MAPKAP1: variants seen among roughly 807,000 people sequenced by gnomAD.
The protein encoded by MAPKAP1 is target of rapamycin complex 2 subunit MAPKAP1.
MAPKAP1 carries 20 observed loss-of-function variants against 65.7 expected under a neutral mutation model. That is an observed-to-expected ratio of 0.30 (90% CI 0.21 to 0.44). MAPKAP1 has a LOEUF of 0.44. Ranked by LOEUF, MAPKAP1 falls within the 20% of genes least tolerant of loss-of-function variation. MAPKAP1 has a pLI of 1.00. For synonymous variants in MAPKAP1, 222 were observed against 244.3 expected (o/e 0.91, Z 0.85); for missense variants, 423 against 648.0 (o/e 0.65, Z 3.77).
rs1477923208 is a variant in MAPKAP1, at chr9:125,663,764, C to T, written c.350-5965G>A. Among the ~76,000 whole-genome samples the T allele has an allele frequency of 3.3e-5, 5 of 152,266 alleles. No individual in the cohort carries two copies. In the South Asian group the frequency reaches 1.0e-3, roughly 32 times the overall value. On this transcript the variant is annotated intron_variant, in intron 3 of 11. Transcript: ENST00000265960. ...GGGGAAGTCATGAGAGCCCTTCCTTCTGGTTTCAAGCCATTCATCAGGCAG... is the reference window on the plus strand; with the variant it reads ...GGGGAAGTCATGAGAGCCCTTCCTTTTGGTTTCAAGCCATTCATCAGGCAG...
At chr9:125,625,748 T>C (rs1029020229) in intron 4 of MAPKAP1, among the ~76,000 whole-genome samples, 3 of 152,070 alleles carry the variant, frequency 2.0e-5, no homozygotes, top group African/African-American at 4.8e-5. Flanking sequence ...TGAGCCGAGA[T>C]TGCACCACTG....
At chr9:125,689,853 G>C (rs1176254373) in intron 1 of MAPKAP1, among the ~76,000 whole-genome samples, 1 of 151,156 alleles carries the variant, frequency 6.6e-6, no homozygotes, top group Non-Finnish European at 1.5e-5. Flanking sequence ...TTGAGAGGCC[G>C]AGGTGGGCGG....
chr9:125,600,891 G>T lies in MAPKAP1; in HGVS notation c.499-15164C>A, dbSNP rs375016032. Among the ~76,000 whole-genome samples, 13 of 152,210 alleles carry T rather than the reference G, an allele frequency of 8.5e-5. 1 individual carries two copies. In the East Asian group the frequency reaches 2.5e-3, roughly 29 times the overall value. ...TACAAACAATAGCTTCCATAATGAT[G>T]ATATTATCAGGGAAAGGTAATCTGC... On this transcript the variant is annotated intron_variant, in intron 4 of 11. Coordinates refer to ENST00000265960, the MANE Select transcript of MAPKAP1 (RefSeq NM_001006617.3).
intron 1 of MAPKAP1, among the ~76,000 whole-genome samples, chr9:125,702,839 C>T (rs1835643607): frequency 6.7e-6 from 1 of 149,630 alleles, no homozygotes; most frequent in Admixed American, 6.7e-5. Flanking sequence ...GCAACAAGAG[C>T]GAGACTTTGT....
At chr9:125,693,570 T>C (rs927352695) in intron 1 of MAPKAP1, among the ~76,000 whole-genome samples, 9 of 147,350 alleles carry the variant, frequency 6.1e-5, no homozygotes, top group Admixed American at 2.0e-4. Context: ...CATATATACA[T>C]ACACACACAT....
At chr9:125,594,817 A>G (rs1461164414) in intron 4 of MAPKAP1, among the ~76,000 whole-genome samples, 1 of 152,176 alleles carries the variant, frequency 6.6e-6, no homozygotes. Context: ...TGGCTAAATC[A>G]AAAGGACTCC....
chr9:125,461,567 C>A (rs1230819466), intron 10 of MAPKAP1, among the ~76,000 whole-genome samples: 1 of 152,152 alleles, frequency 6.6e-6, no homozygotes, highest in African/African-American at 2.4e-5. Flanking sequence ...TAGATGAAGA[C>A]CCCTTTTAAT....
At chr9:125,566,143 A>G (rs1431682394) in intron 5 of MAPKAP1, among the ~76,000 whole-genome samples, 1 of 152,168 alleles carries the variant, frequency 6.6e-6, no homozygotes, top group East Asian at 1.9e-4. Flanking sequence ...AAATGTTCCT[A>G]TGTTCTCTCA....
intron 8 of MAPKAP1, 129 bp from the exon 9 acceptor site, chr9:125,484,712 T>C (rs769214287): frequency 5.2e-5 from 44 of 851,786 alleles, no homozygotes; most frequent in Non-Finnish European, 7.4e-5. Context: ...GGCTGAGCGA[T>C]GACTTAATAA....
chr9:125,624,608 GGT>G lies in MAPKAP1; in HGVS notation c.498+33041_498+33042del, dbSNP rs1214831537. ...GGCCAGCCGCCCCGTCCGGGAGGGA[GGT>G]GGGGGGGGGGGTCAGCCCCCCTGCC... On this transcript the variant is annotated intron_variant, in intron 4 of 11. Transcript: ENST00000265960. Among the ~76,000 whole-genome samples, 12 of 50,716 alleles carry G rather than the reference GGT, an allele frequency of 2.4e-4. 2 individuals carry two copies. The highest frequency in any genetic ancestry group is 8.7e-4 in the African/African-American group (10 of 11,434). The allele number at this position is 50,716 out of a possible 152,430, so 33.3% of individuals were successfully genotyped here.
intron 4 of MAPKAP1, among the ~76,000 whole-genome samples, chr9:125,593,614 A>T (rs572161085): frequency 6.6e-6 from 1 of 151,976 alleles, no homozygotes; most frequent in South Asian, 2.1e-4. Context: ...GTGAGTAGAG[A>T]TCATGCCACT....
intron 5 of MAPKAP1, among the ~76,000 whole-genome samples, chr9:125,582,715 A>AACC (rs1161329014): frequency 6.6e-6 from 1 of 152,242 alleles, no homozygotes; most frequent in African/African-American, 2.4e-5. Context: ...TTTCATAGGT[A>AACC]TGACAGTCTC....
chr9:125,588,496 A>G (rs895187421), intron 4 of MAPKAP1, among the ~76,000 whole-genome samples: 2 of 152,214 alleles, frequency 1.3e-5, no homozygotes, highest in African/African-American at 4.8e-5. Context: ...TATATTAAAT[A>G]CCACAGAACC....
chr9:125,538,873 T>C (rs1449396856), intron 7 of MAPKAP1, among the ~76,000 whole-genome samples: 1 of 152,078 alleles, frequency 6.6e-6, no homozygotes. Context: ...ACGTTATGGA[T>C]CGATATTTAC....
At chr9:125,459,224 G>C (rs1241169269) in intron 10 of MAPKAP1, among the ~76,000 whole-genome samples, 1 of 150,198 alleles carries the variant, frequency 6.7e-6, no homozygotes, top group Non-Finnish European at 1.5e-5. Flanking sequence ...ATGGGCGGCG[G>C]GGCAGAGAGG....
Position 125,442,346 on chromosome 9 carries a change from T to C in MAPKAP1, c.1443+2155A>G, listed in dbSNP as rs146484802. On this transcript the variant is annotated intron_variant, in intron 11 of 11. Coordinates refer to ENST00000265960, the MANE Select transcript of MAPKAP1 (RefSeq NM_001006617.3). ...ACCTCACGGATTTTGCAGAGAAGCA[T>C]CTGCTTCGAGGGAGCATTTGGACCT... 2.0e-3 allele frequency among the ~76,000 whole-genome samples: 304 copies of C among 152,246 alleles called. 1 individual carries two copies. Among genetic ancestry groups the C allele is most frequent in the Middle Eastern group, 6.8e-3 (2 of 294 alleles).
chr9:125,589,807 C>T (rs1338196368), intron 4 of MAPKAP1, among the ~76,000 whole-genome samples: 4 of 152,132 alleles, frequency 2.6e-5, no homozygotes, highest in Admixed American at 1.3e-4. Context: ...CTACATAATG[C>T]ATGCACCCAC....
chr9:125,640,383 G>A (rs993708470), intron 4 of MAPKAP1, among the ~76,000 whole-genome samples: 1 of 151,874 alleles, frequency 6.6e-6, no homozygotes, highest in Admixed American at 6.6e-5. Context: ...GATTACAGGC[G>A]TGAGCCACCA....
At chr9:125,609,276 G>C (rs1832529451) in intron 4 of MAPKAP1, among the ~76,000 whole-genome samples, 1 of 152,038 alleles carries the variant, frequency 6.6e-6, no homozygotes, top group Admixed American at 6.6e-5. Context: ...TTCCCCTAAA[G>C]TACCCAAAGC....
Sources: allele counts gnomAD v4.1 joint callset (sites outside exome capture counted in the v4.1 genomes callset), GRCh38; gene constraint gnomAD v4.1.1; transcripts MANE v1.5; gene names NCBI Gene and HGNC (gene_info 2026-07-23, HGNC 2026-07-21).